Variants in CCDC141 observed in about 807,000 individuals in gnomAD.
The protein encoded by CCDC141 is coiled-coil domain containing 141, also known as coiled-coil domain-containing protein 141.
In CCDC141, 168 loss-of-function variants were observed where a neutral mutation model predicts 181.0. That is an observed-to-expected ratio of 0.93 (90% CI 0.82 to 1.05). The LOEUF (loss-of-function observed/expected upper bound fraction) is 1.05. Among genes scored for constraint, CCDC141 ranks in the 50% least tolerant of loss-of-function variants. The probability of loss-of-function intolerance (pLI) is 0.00; values close to 1 mark genes in which losing one functional copy is unlikely to be tolerated. For missense variants in CCDC141, 1,902 were observed against 1,788.5 expected, an observed-to-expected ratio of 1.06 and a Z score of -1.14; for synonymous variants, 666 against 642.3, an observed-to-expected ratio of 1.04 and a Z score of -0.56.
At chr2:178,881,913 TCTCACA>T (rs1380522412) in intron 11 of CCDC141, among the ~76,000 whole-genome samples, 1,632 of 110,816 alleles carry the variant, frequency 0.015, 13 homozygotes, top group Non-Finnish European at 0.02. Context: ...TCTCTCTCTC[TCTCACA>T]CACACACACA....
chr2:178,910,332 C>G (rs1300941958), intron 7 of CCDC141, among the ~76,000 whole-genome samples: 1 of 152,172 alleles, frequency 6.6e-6, no homozygotes, highest in South Asian at 2.1e-4. Flanking sequence ...ACATTAAACA[C>G]GAACAACAAC....
rs1018406813 is a variant in CCDC141 at position 178,833,107 on chromosome 2, C to T, written c.*1066G>A. On this transcript the variant is annotated 3_prime_UTR_variant, in exon 24 of 24. Transcript: ENST00000443758. ...GGAATTTAAGCTCTAATTCATAAAA[C>T]ATCACTTTCCTCCATGGAACTAGTT... 1 of 152,094 alleles carries T rather than the reference C, an allele frequency of 6.6e-6. No homozygotes were observed. The highest frequency in any genetic ancestry group is 1.5e-5 in the Non-Finnish European group (1 of 68,014). 9.4% of individuals were successfully genotyped at this position (152,094 alleles called of 1,614,324 possible).
chr2:178,932,814 G>C (rs963878871), intron 6 of CCDC141, among the ~76,000 whole-genome samples: 1 of 152,134 alleles, frequency 6.6e-6, no homozygotes, highest in Non-Finnish European at 1.5e-5. Flanking sequence ...TATTTTGAAA[G>C]AGACTTTCTT....
intron 2 of CCDC141, among the ~76,000 whole-genome samples, chr2:178,981,650 A>ATATATATATATATATATATG (rs377733700): frequency 1.6e-5 from 2 of 127,320 alleles, no homozygotes; most frequent in African/African-American, 5.7e-5. Context: ...ATATATATAT[A>ATATATATATATATATATATG]TATATATACA....
At chr2:179,021,779 G>A (rs945706146) in intron 2 of CCDC141, among the ~76,000 whole-genome samples, 2 of 152,062 alleles carry the variant, frequency 1.3e-5, no homozygotes, top group Non-Finnish European at 2.9e-5. Flanking sequence ...TTTATTAAAG[G>A]ACCATAAAAT....
intron 4 of CCDC141, among the ~76,000 whole-genome samples, chr2:178,969,761 G>C (rs1398200956): frequency 6.6e-6 from 1 of 152,202 alleles, no homozygotes; most frequent in Non-Finnish European, 1.5e-5. Flanking sequence ...CATAGTATTG[G>C]AAGTTCTGGC....
intron 2 of CCDC141, among the ~76,000 whole-genome samples, chr2:179,015,345 T>C (rs1477312356): frequency 7.0e-6 from 1 of 142,292 alleles, no homozygotes; most frequent in East Asian, 2.1e-4. Context: ...ATCTCATATA[T>C]GTATCATACA....
intron 14 of CCDC141, 113 bp downstream of exon 14, chr2:178,871,314 T>C: frequency 1.6e-6 from 2 of 1,250,896 alleles, no homozygotes; most frequent in African/African-American, 1.5e-5. Context: ...AGCAATACTT[T>C]TGTTTAAAAA....
chr2:179,015,122 T>TC (rs60543279), intron 2 of CCDC141, among the ~76,000 whole-genome samples: 2 of 93,616 alleles, frequency 2.1e-5, no homozygotes, highest in Non-Finnish European at 4.7e-5. Flanking sequence ...TATAATCATA[T>TC]ATATATATCA....
the CCDC141 span, among the ~76,000 whole-genome samples, chr2:178,820,478 C>A: frequency 6.6e-6 from 1 of 152,112 alleles, no homozygotes; most frequent in Non-Finnish European, 1.5e-5. Flanking sequence ...CCCATGAAAA[C>A]AGAAACATGG....
chr2:178,842,773 T>G (rs1422970222), intron 22 of CCDC141, among the ~76,000 whole-genome samples: 1 of 152,162 alleles, frequency 6.6e-6, no homozygotes, highest in African/African-American at 2.4e-5. Flanking sequence ...TAAAACACAT[T>G]TGTAGAGAAG....
intron 2 of CCDC141, among the ~76,000 whole-genome samples, chr2:179,042,001 T>C (rs774862642): frequency 7.2e-5 from 11 of 152,114 alleles, no homozygotes; most frequent in Non-Finnish European, 1.5e-4. Flanking sequence ...TATTAGATCA[T>C]TGACAGAAAA....
At chr2:178,989,829 TAAAAAAAAAAAA>T (rs71023463) in intron 2 of CCDC141, among the ~76,000 whole-genome samples, 3 of 81,398 alleles carry the variant, frequency 3.7e-5, no homozygotes, top group African/African-American at 9.9e-5. Flanking sequence ...GCTATAATCT[TAAAAAAAAAAAA>T]AAAAAAAAAA....
At chr2:178,921,317 C>T (rs1304629670) in intron 6 of CCDC141, among the ~76,000 whole-genome samples, 1 of 152,230 alleles carries the variant, frequency 6.6e-6, no homozygotes, top group Non-Finnish European at 1.5e-5. Context: ...ATTTTTAAAA[C>T]AGTACAATTT....
chr2:178,874,442 T>C (rs1012341337), intron 12 of CCDC141: 1 of 152,228 alleles, frequency 6.6e-6, no homozygotes. Flanking sequence ...CCTAAGTTTA[T>C]TTAGATATAG....
At chr2:179,002,508 T>C in intron 2 of CCDC141, 1 of 411,474 alleles carries the variant, frequency 2.4e-6, no homozygotes, top group South Asian at 1.8e-5. Context: ...AAAAAGATGA[T>C]GTCCAACAAT....
chr2:178,816,754 C>T, the CCDC141 span, among the ~76,000 whole-genome samples: 69 of 152,212 alleles, frequency 4.5e-4, no homozygotes, highest in African/African-American at 1.5e-3. Flanking sequence ...TGTATTCTGA[C>T]CCATTTTTTA....
intron 2 of CCDC141, among the ~76,000 whole-genome samples, chr2:178,982,357 A>T (rs543665780): frequency 1.3e-4 from 20 of 152,348 alleles, no homozygotes; most frequent in Non-Finnish European, 2.2e-4. Context: ...TTATAAGAGC[A>T]TCAGAAAGAA....
chr2:178,818,215 C>T, the CCDC141 span, among the ~76,000 whole-genome samples: 7 of 152,252 alleles, frequency 4.6e-5, no homozygotes, highest in Non-Finnish European at 5.9e-5. Context: ...ATCAATAATT[C>T]CCCTGACTGA....
Sources: gnomAD v4.1 joint callset for allele counts (sites outside exome capture counted in the v4.1 genomes callset) on GRCh38, gnomAD v4.1.1 for gene constraint, MANE v1.5 for transcripts, NCBI Gene and HGNC (gene_info 2026-07-23, HGNC 2026-07-21) for gene names.